The following CIP2A variants were observed in gnomAD, a reference collection of about 807,000 sequenced individuals.
CIP2A encodes cellular inhibitor of PP2A.
CIP2A carries 103 observed loss-of-function variants against 110.9 expected under a neutral mutation model. The ratio of observed to expected loss-of-function variants is 0.93; its 90% CI spans 0.79 to 1.09. CIP2A has a LOEUF of 1.09. CIP2A is among the 50% of genes least tolerant of loss of function. The pLI is 0.00. For missense variants in CIP2A, 1,088 were observed against 1,038.4 expected (o/e 1.05, Z -0.66); for synonymous variants, 381 against 361.6 (o/e 1.05, Z -0.61).
chr3:108,566,704 A>T, intron 10 of CIP2A, 66 bp from the exon 11 acceptor site: 2 of 997,466 alleles, frequency 2.0e-6, no homozygotes, highest in Non-Finnish European at 2.9e-6. Flanking sequence ...AACATTCAGG[A>T]TGATTTCATA....
At chr3:108,585,514 A>T (rs1939016153) in intron 1 of CIP2A, among the ~76,000 whole-genome samples, 1 of 152,128 alleles carries the variant, frequency 6.6e-6, no homozygotes, top group Non-Finnish European at 1.5e-5. Context: ...AGTACATTAT[A>T]TTTCTATTTC....
chr3:108,589,173 G>A, intron 1 of CIP2A, 101 bp downstream of exon 1: 1 of 817,398 alleles, frequency 1.2e-6, no homozygotes, highest in East Asian at 2.7e-5. Context: ...TCGAAGGACT[G>A]TCCTTTCTTT....
In CIP2A at chr3:108,579,414, G is replaced by C. The variant is rs747274890; in HGVS notation, c.685C>G (p.Arg229Gly). 6.2e-6 allele frequency: 10 copies of C among 1,607,670 alleles called. No homozygotes were observed. In the East Asian group the frequency reaches 1.1e-4, roughly 18 times the overall value. ...EEVGEKLFHA[R>G]NIHQTFQLIF... ...AGTTGAAAAGTCTGATGAATGTTTCGAGCATGGAATAGCTTAAGGACAAAT... is the reference window on the plus strand; with the variant it reads ...AGTTGAAAAGTCTGATGAATGTTTCCAGCATGGAATAGCTTAAGGACAAAT... The change falls in exon 7 of 21, where the codon CGA (arginine) becomes GGA (glycine). Residue 229 changes from arginine (R) to glycine (G), a missense_variant. By Grantham distance (125) the Arg-to-Gly change is moderately radical (BLOSUM62 -2). Transcript: ENST00000295746.
At position 108,568,257 on chromosome 3, in the gene CIP2A, G is replaced by A; in HGVS notation, c.1171C>T (p.Pro391Ser). The change falls in exon 10 of 21, where the codon CCT becomes TCT. Residue 391 changes from proline (P) to serine (S), a missense_variant. Pro to Ser is a moderately conservative substitution (Grantham distance 74). Transcript: ENST00000295746. ...AACTGAAGTTGATCAAGGATTGTAGGCAGCAGAAGGGTCACAAAACGATCA... is the reference window on the plus strand; with the variant it reads ...AACTGAAGTTGATCAAGGATTGTAGACAGCAGAAGGGTCACAAAACGATCA... ...SADRFVTLLL[P>S]TILDQLQFTE... is the part of the protein sequence containing the mutation. The A allele has an allele frequency of 6.2e-7, 1 of 1,612,270 alleles. No homozygotes were observed. The highest frequency in any genetic ancestry group is 8.5e-7 in the Non-Finnish European group (1 of 1,178,780).
Position 108,583,031 on chromosome 3 carries a change from A to G in CIP2A, c.303T>C (p.Ser101=), listed in dbSNP as rs1462493625. The G allele has an allele frequency of 1.9e-6, 3 of 1,608,828 alleles. No homozygotes were observed. The highest frequency in any genetic ancestry group is 2.7e-5 in the African/African-American group (2 of 74,674). Residue 101 remains serine, a synonymous_variant, in exon 3 of 21, where the codon AGT becomes AGC. Coordinates refer to ENST00000295746, the MANE Select transcript of CIP2A (RefSeq NM_020890.3). ...TCCGACAAACCACTCCCGCCAGCAC[A>G]CTATTCAGATTATATGTATTCTGAA... ...DCLQNTYNLN[S]VLAGVVCRSS...
chr3:108,566,954 G>A (rs1178957166), intron 10 of CIP2A, among the ~76,000 whole-genome samples: 1 of 151,762 alleles, frequency 6.6e-6, no homozygotes, highest in African/African-American at 2.4e-5. Flanking sequence ...AAGTTGTTTT[G>A]TCATATTTGT....
At chr3:108,585,011 A>C in intron 2 of CIP2A, 54 bp downstream of exon 2, 2 of 1,515,952 alleles carry the variant, frequency 1.3e-6, no homozygotes, top group Non-Finnish European at 1.8e-6. Flanking sequence ...CTGCACTTTA[A>C]AATATTGTTC....
At chr3:108,556,168 G>C (rs1187527353) in intron 17 of CIP2A, among the ~76,000 whole-genome samples, 2 of 152,034 alleles carry the variant, frequency 1.3e-5, no homozygotes, top group Non-Finnish European at 2.9e-5. Context: ...AAATCACTTT[G>C]TCATCATTTT....
At chr3:108,577,302 A>G (rs1187845147) in intron 7 of CIP2A, among the ~76,000 whole-genome samples, 1 of 152,210 alleles carries the variant, frequency 6.6e-6, no homozygotes, top group African/African-American at 2.4e-5. Context: ...ATCTGGTTGA[A>G]GAAAAAGTTT....
intron 8 of CIP2A, among the ~76,000 whole-genome samples, chr3:108,572,194 T>C (rs1938422679): frequency 6.6e-6 from 1 of 152,110 alleles, no homozygotes; most frequent in Non-Finnish European, 1.5e-5. Context: ...TTAATTTTAA[T>C]GTAGCCCAAC....
rs1041071207 is a variant in CIP2A at position 108,554,504 on chromosome 3, A to C, written c.2211-15T>G. 1 of 1,085,834 alleles carries C rather than the reference A, an allele frequency of 9.2e-7. No homozygotes were observed. Among genetic ancestry groups the C allele is most frequent in the African/African-American group, 1.6e-5 (1 of 63,488 alleles). The allele number at this position is 1,085,834 out of a possible 1,614,324, so 67.3% of individuals were successfully genotyped here. A position where few individuals can be genotyped will look rare whatever the true frequency, so the allele number is the denominator to read the frequency against. ...TACTTTCATTTCTGAAAAGACAAGA[A>C]AATGAGTTGGCATCATTATGGAGGA... On this transcript the variant is annotated splice_polypyrimidine_tract_variant and intron_variant, in intron 17 of 20. Coordinates refer to ENST00000295746, the MANE Select transcript of CIP2A (RefSeq NM_020890.3).
At chr3:108,559,318 G>A (rs1040200604) in intron 16 of CIP2A, among the ~76,000 whole-genome samples, 1 of 152,140 alleles carries the variant, frequency 6.6e-6, no homozygotes, top group Non-Finnish European at 1.5e-5. Context: ...TTTAAAAAGG[G>A]AAGGGTGATT....
rs776714759 is a variant in CIP2A at position 108,576,329 on chromosome 3, G to T, written c.836C>A (p.Ser279Ter). The T allele has an allele frequency of 1.9e-6, 3 of 1,551,142 alleles. No individual in the cohort carries two copies. The African/African-American group carries it at 4.2e-5, about 22-fold the overall frequency. Residue 279 changes from serine (S) to a stop codon, truncating the protein, a stop_gained, in exon 8 of 21, where the codon TCA (serine) becomes TAA (stop). Transcript: ENST00000295746. LOFTEE classifies it high-confidence loss of function. The part of the protein sequence containing the change: ...DYLTRYEHFS[S>*]CLHQVLGLLN... The stretch of plus-strand genomic sequence containing the variant: ...AAGACCTAATACTTGGTGAAGACAT[G>T]AAGAAAAGTGCTCATATCTAGGTTT...
chr3:108,576,350 G>A lies in CIP2A; in HGVS notation c.819-4C>T, dbSNP rs761036059. On this transcript the variant is annotated splice_region_variant and splice_polypyrimidine_tract_variant and intron_variant, in intron 7 of 20. Coordinates refer to ENST00000295746, the MANE Select transcript of CIP2A (RefSeq NM_020890.3). ...ACATGAAGAAAAGTGCTCATATCTA[G>A]GTTTAGAATAAAAATATACATCAAA... The A allele has an allele frequency of 2.1e-6, 3 of 1,457,778 alleles. No individual in the cohort carries two copies. The highest frequency in any genetic ancestry group is 2.8e-6 in the Non-Finnish European group (3 of 1,070,226). The allele number at this position is 1,457,778 out of a possible 1,614,324, so 90.3% of individuals were successfully genotyped here.
intron 8 of CIP2A, among the ~76,000 whole-genome samples, chr3:108,570,026 A>C (rs1051078203): frequency 4.6e-5 from 7 of 152,096 alleles, no homozygotes; most frequent in Non-Finnish European, 8.8e-5. Flanking sequence ...GTAGCATAGA[A>C]TATAAAACCT....
intron 13 of CIP2A, among the ~76,000 whole-genome samples, chr3:108,562,812 A>G (rs1170423936): frequency 6.6e-6 from 1 of 152,088 alleles, no homozygotes; most frequent in Admixed American, 6.6e-5. Flanking sequence ...AGCTCTTTCT[A>G]TGGAGGAACT....
intron 8 of CIP2A, among the ~76,000 whole-genome samples, chr3:108,570,642 C>T (rs745415673): frequency 7.2e-5 from 11 of 152,042 alleles, no homozygotes; most frequent in Non-Finnish European, 1.5e-4. Flanking sequence ...AGATCAAAAA[C>T]GGTACACCTG....
At chr3:108,575,476 A>G (rs1225414999) in intron 8 of CIP2A, among the ~76,000 whole-genome samples, 1 of 149,560 alleles carries the variant, frequency 6.7e-6, no homozygotes, top group Non-Finnish European at 1.5e-5. Context: ...GAGTATATAT[A>G]CACATATATG....
chr3:108,560,028 C>T lies in CIP2A; in HGVS notation c.1828G>A (p.Val610Ile), dbSNP rs780038413. 4 of 1,569,976 alleles carry T rather than the reference C, an allele frequency of 2.5e-6. No homozygotes were observed. In the East Asian group the frequency reaches 6.7e-5, roughly 26 times the overall value. ...CTCACATCACAAATCTGATCCTTTA[C>T]CTACATTTTAAGAGTAAAAAAACTT... Reference protein sequence around the residue: ...LIEKLQSGMVVKDQICDVRIS... With the variant: ...LIEKLQSGMVIKDQICDVRIS... Residue 610 changes from valine to isoleucine, a missense_variant and splice_region_variant, in exon 15 of 21, where the codon GTA (valine) becomes ATA (isoleucine). Transcript: ENST00000295746.
Sources: gnomAD v4.1 joint callset for allele counts (sites outside exome capture counted in the v4.1 genomes callset) on GRCh38, gnomAD v4.1.1 for gene constraint, MANE v1.5 for transcripts, NCBI Gene and HGNC (gene_info 2026-07-23, HGNC 2026-07-21) for gene names.